Variants in CPNE4 observed in about 807,000 individuals in gnomAD.
The protein encoded by CPNE4 is copine 4, also known as copine-4.
A neutral mutation model predicts 67.9 loss-of-function variants in CPNE4; 25 were observed. The observed-to-expected ratio is 0.37, with a 90% CI of 0.27 to 0.51. The LOEUF is 0.51. Among genes scored for constraint, CPNE4 ranks in the 20% least tolerant of loss-of-function variants. The pLI is 0.93. For missense variants in CPNE4, 464 were observed against 690.8 expected (o/e 0.67, Z 3.68); for synonymous variants, 242 against 244.9 (o/e 0.99, Z 0.11).
At chr3:131,743,964 A>AAAAAAAAAAAAAAAAAAAAAAC (rs2082418666) in intron 2 of CPNE4, among the ~76,000 whole-genome samples, 1 of 143,642 alleles carries the variant, frequency 7.0e-6, no homozygotes, top group African/African-American at 2.7e-5. Flanking sequence ...CTCCGTCTCA[A>AAAAAAAAAAAAAAAAAAAAAAC]AAAAAAAAAA....
intron 1 of CPNE4, among the ~76,000 whole-genome samples, chr3:131,907,287 A>T (rs2088808789): frequency 6.6e-6 from 1 of 152,182 alleles, no homozygotes; most frequent in African/African-American, 2.4e-5. Flanking sequence ...AGGGAAAATG[A>T]CAATGGCTTC....
intron 1 of CPNE4, among the ~76,000 whole-genome samples, chr3:131,936,094 T>C (rs545464901): frequency 6.6e-6 from 1 of 151,960 alleles, no homozygotes; most frequent in South Asian, 2.1e-4. Context: ...TCAACACTTT[T>C]GTTCTTCTCA....
intron 2 of CPNE4, among the ~76,000 whole-genome samples, chr3:131,792,349 C>A (rs1253507257): frequency 6.6e-6 from 1 of 151,766 alleles, no homozygotes; most frequent in Non-Finnish European, 1.5e-5. Context: ...AGTATTTATA[C>A]TCAATTTTAA....
chr3:131,737,201 C>T (rs954158394), intron 2 of CPNE4, among the ~76,000 whole-genome samples: 10 of 135,384 alleles, frequency 7.4e-5, no homozygotes, highest in African/African-American at 2.7e-4. Flanking sequence ...TCAGCTCACT[C>T]TAACCTCCGC....
chr3:131,602,640 C>A (rs61375860), intron 7 of CPNE4, among the ~76,000 whole-genome samples: 20,172 of 152,070 alleles, frequency 0.13, 1,912 homozygotes, highest in African/African-American at 0.26. Flanking sequence ...TCACACCTCA[C>A]TACTCCTTAG....
At chr3:131,635,123 T>G (rs762327909) in intron 7 of CPNE4, among the ~76,000 whole-genome samples, 11 of 152,198 alleles carry the variant, frequency 7.2e-5, no homozygotes, top group Non-Finnish European at 1.3e-4. Context: ...TTTTCCACGA[T>G]TTTTCTCAAA....
Position 131,535,104 on chromosome 3 carries a change from G to T in CPNE4, c.*91C>A, listed in dbSNP as rs2107618068. The T allele has an allele frequency of 1.5e-6, 2 of 1,320,680 alleles. No homozygotes were observed. The highest frequency in any genetic ancestry group is 2.1e-6 in the Non-Finnish European group (2 of 974,336). 81.8% of individuals were successfully genotyped at this position (1,320,680 alleles called of 1,614,324 possible). A position where few individuals can be genotyped will look rare whatever the true frequency, so the allele number is the denominator to read the frequency against. The stretch of plus-strand genomic sequence containing the variant: ...TATTTTTAAATGTGTATATGTTGTT[G>T]GTTTTTTAAAGTACAGGAGTAGTAG... On this transcript the variant is annotated 3_prime_UTR_variant, in exon 16 of 16. Transcript: ENST00000429747.
chr3:131,694,164 AACTAGTG>A (rs2081095983), intron 5 of CPNE4, among the ~76,000 whole-genome samples: 1 of 152,176 alleles, frequency 6.6e-6, no homozygotes, highest in Non-Finnish European at 1.5e-5. Flanking sequence ...TGTATGTAGA[AACTAGTG>A]ACTTTCATGA....
intron 1 of CPNE4, among the ~76,000 whole-genome samples, chr3:132,003,056 A>G (rs1462817829): frequency 6.6e-6 from 1 of 152,176 alleles, no homozygotes; most frequent in East Asian, 1.9e-4. Context: ...ACTTTAGGGT[A>G]CAAGAAAAAC....
chr3:131,906,251 TTTTG>T (rs1268784308), intron 1 of CPNE4, among the ~76,000 whole-genome samples: 1 of 152,102 alleles, frequency 6.6e-6, no homozygotes, highest in Non-Finnish European at 1.5e-5. Context: ...GTTTTTGTTT[TTTTG>T]TTTTATTATT....
intron 3 of CPNE4, among the ~76,000 whole-genome samples, chr3:131,721,398 C>CTTTT (rs35719411): frequency 4.7e-5 from 6 of 128,340 alleles, no homozygotes; most frequent in Non-Finnish European, 9.3e-5. Context: ...ACGGATCTAC[C>CTTTT]TTTTTTTTTT....
chr3:131,619,857 C>T (rs1295189943), intron 7 of CPNE4, among the ~76,000 whole-genome samples: 3 of 152,110 alleles, frequency 2.0e-5, no homozygotes, highest in African/African-American at 7.2e-5. Context: ...ATGTGTCACA[C>T]TGCCTTGAGA....
chr3:131,790,838 G>C (rs6808277), intron 2 of CPNE4, among the ~76,000 whole-genome samples: 145,753 of 152,256 alleles, frequency 0.96, 70,020 homozygotes, highest in East Asian at 1. Flanking sequence ...CCTTCCTTTT[G>C]CCCCTTCAAA....
chr3:132,006,773 G>A (rs1313474924), intron 1 of CPNE4, among the ~76,000 whole-genome samples: 1 of 152,024 alleles, frequency 6.6e-6, no homozygotes, highest in African/African-American at 2.4e-5. Flanking sequence ...GGTCACAATG[G>A]GGCATGACGT....
At chr3:131,820,283 GC>G (rs2084914983) in intron 2 of CPNE4, among the ~76,000 whole-genome samples, 1 of 152,210 alleles carries the variant, frequency 6.6e-6, no homozygotes, top group Non-Finnish European at 1.5e-5. Flanking sequence ...TGTGATGACA[GC>G]CCAGTGACAG....
chr3:131,790,203 G>A (rs765179541), intron 2 of CPNE4, among the ~76,000 whole-genome samples: 5 of 152,128 alleles, frequency 3.3e-5, no homozygotes, highest in Middle Eastern at 6.8e-3. Flanking sequence ...GCCAGATATG[G>A]GACTTATATA....
intron 10 of CPNE4, among the ~76,000 whole-genome samples, chr3:131,566,557 T>C (rs1427277925): frequency 6.6e-6 from 1 of 151,804 alleles, no homozygotes; most frequent in Non-Finnish European, 1.5e-5. Flanking sequence ...CACCTCAGGA[T>C]CCACCAATGA....
At chr3:131,792,706 C>CGTGTGTATATATGTATATAT (rs1167463554) in intron 2 of CPNE4, among the ~76,000 whole-genome samples, 5 of 81,264 alleles carry the variant, frequency 6.2e-5, no homozygotes, top group Admixed American at 1.5e-4. Flanking sequence ...CATATACACA[C>CGTGTGTATATATGTATATAT]ACGTGTATAT....
chr3:131,873,453 T>C (rs767241765), intron 2 of CPNE4, among the ~76,000 whole-genome samples: 1 of 152,196 alleles, frequency 6.6e-6, no homozygotes, highest in South Asian at 2.1e-4. Flanking sequence ...TGATTACTTA[T>C]CTGAATATTC....
Sources: gnomAD v4.1 joint callset for allele counts (sites outside exome capture counted in the v4.1 genomes callset) on GRCh38, gnomAD v4.1.1 for gene constraint, MANE v1.5 for transcripts, NCBI Gene and HGNC (gene_info 2026-07-23, HGNC 2026-07-21) for gene names.